CIT: variants seen among roughly 807,000 people sequenced by gnomAD.
CIT encodes the protein citron Rho-interacting kinase.
In CIT, 79 loss-of-function variants were observed where a neutral mutation model predicts 272.7. The observed-to-expected ratio is 0.29, with a 90% CI of 0.24 to 0.35. The LOEUF (loss-of-function observed/expected upper bound fraction) is 0.35, where lower values mean the gene tolerates loss of function less well. Ranked by LOEUF, CIT falls within the 10% of genes least tolerant of loss-of-function variation. The pLI, the probability that CIT is intolerant of heterozygous loss-of-function variation, is 1.00. For synonymous variants in CIT, 948 were observed against 995.6 expected (o/e 0.95, Z 0.90); for missense variants, 1,909 against 2,618.3 (o/e 0.73, Z 5.91).
intron 3 of CIT, among the ~76,000 whole-genome samples, chr12:119,863,201 C>CGAAA (rs1301019400): frequency 1.5e-3 from 59 of 40,520 alleles, no homozygotes; most frequent in African/African-American, 4.7e-3. Flanking sequence ...GACTCTGTAT[C>CGAAA]AAAAAAAAAA....
At chr12:119,840,089 G>C (rs1199813178) in intron 5 of CIT, among the ~76,000 whole-genome samples, 2 of 152,216 alleles carry the variant, frequency 1.3e-5, no homozygotes, top group South Asian at 2.1e-4. Flanking sequence ...GGCTGAAGCA[G>C]GAGGATCACT....
Position 119,704,243 on chromosome 12 carries a change from C to T in CIT, c.5304+120G>A, listed in dbSNP as rs546433775. ...CAGAGGTCACCCCAGGCTAAAGGCC[C>T]GCAGGGTAGAAGGAACCCAGTACAG... On this transcript the variant is annotated intron_variant, in intron 41 of 47. Coordinates refer to ENST00000392521, the MANE Select transcript of CIT (RefSeq NM_001206999.2). 4.3e-4 allele frequency: 387 copies of T among 897,336 alleles called. 1 individual carries two copies. The African/African-American group carries it at 5.1e-3, about 12-fold the overall frequency. 55.6% of individuals were successfully genotyped at this position (897,336 alleles called of 1,614,324 possible).
At chr12:119,720,658 C>A (rs1957775372) in intron 29 of CIT, 73 bp from the exon 30 acceptor site, 1 of 1,117,466 alleles carries the variant, frequency 8.9e-7, no homozygotes, top group Non-Finnish European at 1.3e-6. Context: ...CTTTAAGAAA[C>A]TAAAAAGTGA....
chr12:119,787,796 T>C (rs1964943683), intron 10 of CIT, among the ~76,000 whole-genome samples: 1 of 147,156 alleles, frequency 6.8e-6, no homozygotes, highest in South Asian at 2.1e-4. Context: ...CACCACTGAC[T>C]AGTTATTTGA....
chr12:119,710,485 T>G lies in CIT; in HGVS notation c.4935+55A>C. ...AAGGCCTCCACAGCCCTTTCTTTCTTGATGGGGTGTGGCTGTAACCAGACA... is the reference window on the plus strand; with the variant it reads ...AAGGCCTCCACAGCCCTTTCTTTCTGGATGGGGTGTGGCTGTAACCAGACA... On this transcript the variant is annotated intron_variant, in intron 38 of 47. Coordinates refer to ENST00000392521, the MANE Select transcript of CIT (RefSeq NM_001206999.2). The surrounding 1 kb of genome is among the most constrained non-coding windows in gnomAD (Gnocchi z 5.6). 1 of 1,612,634 alleles carries G rather than the reference T, an allele frequency of 6.2e-7. No individual in the cohort carries two copies. Among genetic ancestry groups the G allele is most frequent in the South Asian group, 1.1e-5 (1 of 91,042 alleles).
chr12:119,700,726 C>G lies in CIT; in HGVS notation c.5623+19G>C. ...CAGCTGCTGGCAAAAGAGAAGCCCC[C>G]ACACTGAGCCTCACGTACCAAAGGC... On this transcript the variant is annotated intron_variant, in intron 44 of 47. Coordinates refer to ENST00000392521, the MANE Select transcript of CIT (RefSeq NM_001206999.2). 1 of 1,597,694 alleles carries G rather than the reference C, an allele frequency of 6.3e-7. No homozygotes were observed. Among genetic ancestry groups the G allele is most frequent in the Non-Finnish European group, 8.6e-7 (1 of 1,165,892 alleles).
At chr12:119,742,522 C>A in intron 23 of CIT, 58 bp from the exon 24 acceptor site, 1 of 1,311,670 alleles carries the variant, frequency 7.6e-7, no homozygotes, top group Non-Finnish European at 1.1e-6. Context: ...ATTCTACATG[C>A]TACGGGTCAA....
intron 10 of CIT, among the ~76,000 whole-genome samples, chr12:119,801,170 G>C (rs1471495427): frequency 1.3e-5 from 2 of 152,170 alleles, no homozygotes; most frequent in Non-Finnish European, 2.9e-5. Flanking sequence ...GTTGGGTCAG[G>C]AACAGCAGCT....
At chr12:119,813,947 G>A (rs1042520661) in intron 9 of CIT, among the ~76,000 whole-genome samples, 1 of 152,066 alleles carries the variant, frequency 6.6e-6, no homozygotes, top group Non-Finnish European at 1.5e-5. Context: ...TGGGGCTCTT[G>A]TAACTGTTTA....
intron 4 of CIT, among the ~76,000 whole-genome samples, chr12:119,857,012 G>T (rs1950191747): frequency 6.6e-6 from 1 of 152,094 alleles, no homozygotes; most frequent in South Asian, 2.1e-4. Flanking sequence ...CAGTAGCCTT[G>T]TTTAAAAGAA....
rs796714163 is a variant in CIT at position 119,768,656 on chromosome 12, T to C, written c.2209-1474A>G. Among the ~76,000 whole-genome samples the C allele has an allele frequency of 1.1e-4, 17 of 152,352 alleles. No homozygotes were observed. The highest frequency in any genetic ancestry group is 3.1e-4 in the African/African-American group (13 of 41,582). On this transcript the variant is annotated intron_variant, in intron 18 of 47. Transcript: ENST00000392521. The surrounding 1 kb of genome is among the most constrained non-coding windows in gnomAD (Gnocchi z 4.3). ...GTGCACAAGATCTACTGCAATTCAATAGATGTGATCTTGAAGAGTTGAAAA... is the reference window on the plus strand; with the variant it reads ...GTGCACAAGATCTACTGCAATTCAACAGATGTGATCTTGAAGAGTTGAAAA...
At chr12:119,798,498 G>A (rs1326575703) in intron 10 of CIT, among the ~76,000 whole-genome samples, 1 of 152,154 alleles carries the variant, frequency 6.6e-6, no homozygotes, top group Non-Finnish European at 1.5e-5. Context: ...GAATTCATCT[G>A]TGTAAAGTGG....
At chr12:119,853,574 G>A (rs1185737799) in intron 4 of CIT, among the ~76,000 whole-genome samples, 1 of 151,966 alleles carries the variant, frequency 6.6e-6, no homozygotes, top group Non-Finnish European at 1.5e-5. Flanking sequence ...CAAAGTCACA[G>A]GTTTTGATAT....
At chr12:119,835,853 C>T (rs1329643247) in intron 5 of CIT, among the ~76,000 whole-genome samples, 1 of 152,162 alleles carries the variant, frequency 6.6e-6, no homozygotes, top group Non-Finnish European at 1.5e-5. Context: ...GCCAGTGACT[C>T]GCGCATCCTC....
intron 7 of CIT, among the ~76,000 whole-genome samples, chr12:119,827,485 T>A (rs1466514984): frequency 1.3e-5 from 2 of 151,850 alleles, no homozygotes; most frequent in Admixed American, 1.3e-4. Flanking sequence ...GTCACCAGGC[T>A]GGAGTGCAGT....
At chr12:119,870,676 C>T (rs561134090) in intron 2 of CIT, among the ~76,000 whole-genome samples, 3 of 152,022 alleles carry the variant, frequency 2.0e-5, no homozygotes, top group African/African-American at 7.2e-5. Flanking sequence ...AAATCCAGCC[C>T]ACGGACTTTT....
Position 119,710,946 on chromosome 12 carries a change from G to T in CIT, c.4855-326C>A. The T allele has an allele frequency of 1.0e-6, 1 of 958,800 alleles. No individual in the cohort carries two copies. The highest frequency in any genetic ancestry group is 1.5e-6 in the Non-Finnish European group (1 of 657,360). The allele number at this position is 958,800 out of a possible 1,614,324, so 59.4% of individuals were successfully genotyped here. On this transcript the variant is annotated intron_variant, in intron 37 of 47. Coordinates refer to ENST00000392521, the MANE Select transcript of CIT (RefSeq NM_001206999.2). This position sits in a 1 kb window ranked among gnomAD's most constrained non-coding sequence, Gnocchi z 5.6. ...AAGCTAAGGAGATTTCACCTGCGCA[G>T]GGTTAATAAGACACATGAAAGACTC...
At chr12:119,769,965 G>A (rs150073434) in intron 18 of CIT, among the ~76,000 whole-genome samples, 1 of 152,216 alleles carries the variant, frequency 6.6e-6, no homozygotes, top group East Asian at 1.9e-4. Flanking sequence ...TGCCTCCTTA[G>A]GGTGGAGAGG....
chr12:119,851,934 G>A (rs1055354316), intron 4 of CIT, among the ~76,000 whole-genome samples: 1 of 152,188 alleles, frequency 6.6e-6, no homozygotes, highest in African/African-American at 2.4e-5. Flanking sequence ...TCAGGAGGCT[G>A]TGGCAGGTGG....
Sources: gnomAD v4.1 joint callset for allele counts (sites outside exome capture counted in the v4.1 genomes callset) on GRCh38, gnomAD v4.1.1 for gene constraint, Gnocchi (gnomAD v3.1) non-coding constraint, MANE v1.5 for transcripts, NCBI Gene and HGNC (gene_info 2026-07-23, HGNC 2026-07-21) for gene names.